Variants in KCTD8 observed in about 807,000 individuals in gnomAD.
KCTD8 encodes potassium channel tetramerization domain containing 8.
KCTD8 carries 27 observed loss-of-function variants against 31.5 expected under a neutral mutation model. The observed-to-expected ratio is 0.86, with a 90% CI of 0.63 to 1.18. KCTD8 has a LOEUF of 1.18. Ranked by LOEUF, KCTD8 falls within the 50% of genes most tolerant of loss-of-function variation. KCTD8 has a pLI of 0.00. For synonymous variants in KCTD8, 290 were observed against 280.0 expected (o/e 1.04, Z -0.36); for missense variants, 658 against 647.7 (o/e 1.02, Z -0.17).
Position 44,448,433 on chromosome 4 carries a change from C to T in KCTD8, c.91G>A (p.Ala31Thr). 1 of 1,551,922 alleles carries T rather than the reference C, an allele frequency of 6.4e-7. No individual in the cohort carries two copies. The highest frequency in any genetic ancestry group is 1.2e-5 in the South Asian group (1 of 81,026). The stretch of plus-strand genomic sequence containing the variant: ...GGTGCGCAGGGCCCCGGGGCGGCGG[C>T]GGCCGACGCGCCGGGCGAGCTGGAC... ...SSSSSPGASA[A>T]AAPGPCAPSP... The change falls in exon 1 of 2, where the codon GCC (alanine) becomes ACC (threonine). Residue 31 changes from alanine (A) to threonine (T), a missense_variant. Physicochemically the swap from Ala to Thr is moderately conservative, Grantham distance 58 (BLOSUM62 0). Coordinates refer to ENST00000360029, the MANE Select transcript of KCTD8 (RefSeq NM_198353.3). The surrounding 1 kb of genome is among the most constrained non-coding windows in gnomAD (Gnocchi z 4.1).
intron 1 of KCTD8, among the ~76,000 whole-genome samples, chr4:44,390,844 G>C (rs1385187883): frequency 6.6e-6 from 1 of 151,944 alleles, no homozygotes; most frequent in African/African-American, 2.4e-5. Flanking sequence ...TGGTGGGAAT[G>C]TAAACTAGTA....
At chr4:44,293,805 T>C (rs1275259050) in intron 1 of KCTD8, 1 of 453,188 alleles carries the variant, frequency 2.2e-6, no homozygotes, top group Admixed American at 2.4e-5. Flanking sequence ...TTACGTAAGA[T>C]TGAGCACAAA....
intron 1 of KCTD8, among the ~76,000 whole-genome samples, chr4:44,222,822 A>C (rs1714845370): frequency 2.0e-5 from 3 of 152,198 alleles, no homozygotes; most frequent in Non-Finnish European, 4.4e-5. Context: ...AATACTTGGA[A>C]GCAAAAACGA....
rs766794966 is a variant in KCTD8, at chr4:44,276,394, T to G, written c.962-101144A>C. On this transcript the variant is annotated intron_variant, in intron 1 of 1. Coordinates refer to ENST00000360029, the MANE Select transcript of KCTD8 (RefSeq NM_198353.3). ...ATACAGAGAATTCTAAGTTATATAGTTGGCCTCTTATTCGTTTGGATGCAG... is the reference window on the plus strand; with the variant it reads ...ATACAGAGAATTCTAAGTTATATAGGTGGCCTCTTATTCGTTTGGATGCAG... Among the ~76,000 whole-genome samples, 146 of 152,136 alleles carry G rather than the reference T, an allele frequency of 9.6e-4. 1 individual carries two copies. The highest frequency in any genetic ancestry group is 1.5e-3 in the Non-Finnish European group (103 of 67,962).
Position 44,221,635 on chromosome 4 carries a change from G to GT in KCTD8, c.962-46386dup. 2.0e-5 allele frequency among the ~76,000 whole-genome samples: 3 copies of GT among 152,138 alleles called. No homozygotes were observed. The East Asian group carries it at 5.8e-4, about 29-fold the overall frequency. ...CAGAAGTCCCCGGAAAACCACTGGC[G>GT]TATGTCCAGGAGTCCAAAAGCTGAA... On this transcript the variant is annotated intron_variant, in intron 1 of 1. Coordinates refer to ENST00000360029, the MANE Select transcript of KCTD8 (RefSeq NM_198353.3).
intron 1 of KCTD8, among the ~76,000 whole-genome samples, chr4:44,291,075 C>CAAAG (rs1029180613): frequency 1.3e-5 from 2 of 151,786 alleles, no homozygotes; most frequent in African/African-American, 4.8e-5. Flanking sequence ...GATAGATTAA[C>CAAAG]AAAGAAAGAA....
intron 1 of KCTD8, among the ~76,000 whole-genome samples, chr4:44,383,817 T>C (rs552632355): frequency 2.0e-5 from 3 of 151,838 alleles, no homozygotes; most frequent in Non-Finnish European, 4.4e-5. Context: ...AAATCAAAAA[T>C]AGACAAAGTT....
chr4:44,328,379 A>G (rs1197912088), intron 1 of KCTD8, among the ~76,000 whole-genome samples: 4 of 151,938 alleles, frequency 2.6e-5, no homozygotes, highest in Admixed American at 6.6e-5. Flanking sequence ...TTCTCTGACT[A>G]CAACAAATAG....
intron 1 of KCTD8, among the ~76,000 whole-genome samples, chr4:44,306,793 G>T (rs908788081): frequency 2.6e-5 from 4 of 151,932 alleles, no homozygotes; most frequent in African/African-American, 4.8e-5. Flanking sequence ...AATAAAATTG[G>T]CCTTCTATTA....
Position 44,349,920 on chromosome 4 carries a change from T to C in KCTD8, c.961+97643A>G, listed in dbSNP as rs1168200447. Among the ~76,000 whole-genome samples the C allele has an allele frequency of 2.0e-5, 3 of 152,204 alleles. No homozygotes were observed. In the East Asian group the frequency reaches 5.8e-4, roughly 29 times the overall value. ...AAATAATTCTTTCTGGGTTTATTTATAGATAGTAGAGACCAGAGGAGAACA... is the reference window on the plus strand; with the variant it reads ...AAATAATTCTTTCTGGGTTTATTTACAGATAGTAGAGACCAGAGGAGAACA... On this transcript the variant is annotated intron_variant, in intron 1 of 1. Coordinates refer to ENST00000360029, the MANE Select transcript of KCTD8 (RefSeq NM_198353.3).
chr4:44,401,499 T>A (rs1020096857), intron 1 of KCTD8, among the ~76,000 whole-genome samples: 2 of 152,098 alleles, frequency 1.3e-5, no homozygotes, highest in South Asian at 4.2e-4. Flanking sequence ...CCTCACAAGA[T>A]GAAAAAGAAC....
At chr4:44,430,457 GTA>G (rs1721476893) in intron 1 of KCTD8, among the ~76,000 whole-genome samples, 1 of 151,700 alleles carries the variant, frequency 6.6e-6, no homozygotes, top group African/African-American at 2.4e-5. Flanking sequence ...TGGAAAGGGA[GTA>G]TGTTATGGCC....
intron 1 of KCTD8, among the ~76,000 whole-genome samples, chr4:44,324,797 C>T (rs973157737): frequency 6.6e-6 from 1 of 151,976 alleles, no homozygotes; most frequent in African/African-American, 2.4e-5. Context: ...AATGTCTGAG[C>T]ATCTGGTTGC....
At chr4:44,296,706 C>T (rs1717447567) in intron 1 of KCTD8, among the ~76,000 whole-genome samples, 1 of 151,936 alleles carries the variant, frequency 6.6e-6, no homozygotes, top group Non-Finnish European at 1.5e-5. Context: ...TATTTGTTCC[C>T]TAAATTCTAG....
intron 1 of KCTD8, among the ~76,000 whole-genome samples, chr4:44,239,258 C>G (rs924896194): frequency 1.3e-5 from 2 of 152,134 alleles, no homozygotes; most frequent in Non-Finnish European, 2.9e-5. Context: ...GACTCTGAAG[C>G]TACATCACAC....
chr4:44,321,397 G>A (rs535729149), intron 1 of KCTD8, among the ~76,000 whole-genome samples: 1 of 152,134 alleles, frequency 6.6e-6, no homozygotes, highest in Non-Finnish European at 1.5e-5. Context: ...ACTGTATTTG[G>A]GCATAGGTAA....
intron 1 of KCTD8, among the ~76,000 whole-genome samples, chr4:44,338,000 G>A (rs1457966508): frequency 1.3e-5 from 2 of 151,948 alleles, no homozygotes; most frequent in Non-Finnish European, 2.9e-5. Context: ...TATTGTGAAA[G>A]ATTATTCAGT....
rs541142352 is a variant in KCTD8, at chr4:44,394,426, GA to G, written c.961+53136del. Among the ~76,000 whole-genome samples the G allele has an allele frequency of 5.4e-5, 8 of 149,516 alleles. No individual in the cohort carries two copies. In the East Asian group the frequency reaches 5.9e-4, roughly 11 times the overall value. ...AAGAAAGCTTAAACTCAGAAAGAAAGAAAAAAAAATACCCTTTGGTCTTTTT... is the reference window on the plus strand; with the variant it reads ...AAGAAAGCTTAAACTCAGAAAGAAAGAAAAAAAATACCCTTTGGTCTTTTT... On this transcript the variant is annotated intron_variant, in intron 1 of 1. Transcript: ENST00000360029.
At position 44,174,391 on chromosome 4, in the gene KCTD8, T is replaced by G. The variant is rs981329861; in HGVS notation, c.*399A>C. The G allele has an allele frequency of 6.3e-6, 1 of 157,964 alleles. No homozygotes were observed. Among genetic ancestry groups the G allele is most frequent in the Admixed American group, 6.4e-5 (1 of 15,524 alleles). 9.8% of individuals were successfully genotyped at this position (157,964 alleles called of 1,614,324 possible). A position where few individuals can be genotyped will look rare whatever the true frequency, so the allele number is the denominator to read the frequency against. ...GGTCCTATAGCCATCGTCTAAAATT[T>G]TACTTGATGTTGCTTCATCCATATA... On this transcript the variant is annotated 3_prime_UTR_variant, in exon 2 of 2. Transcript: ENST00000360029.
Sources: gnomAD v4.1 joint callset for allele counts (sites outside exome capture counted in the v4.1 genomes callset) on GRCh38, gnomAD v4.1.1 for gene constraint, Gnocchi (gnomAD v3.1) non-coding constraint, MANE v1.5 for transcripts, NCBI Gene and HGNC (gene_info 2026-07-23, HGNC 2026-07-21) for gene names.